The following CD101 variants were observed in gnomAD, a reference collection of about 807,000 sequenced individuals.
CD101 encodes the protein CD101 molecule.
CD101 carries 76 observed loss-of-function variants against 98.2 expected under a neutral mutation model. That is an observed-to-expected ratio of 0.77 (90% CI 0.64 to 0.94). The LOEUF (loss-of-function observed/expected upper bound fraction) is 0.94. Among genes scored for constraint, CD101 ranks in the 40% least tolerant of loss-of-function variants. The pLI, the probability that CD101 is intolerant of heterozygous loss-of-function variation, is 0.00. For missense variants in CD101, 1,145 were observed against 1,218.8 expected (o/e 0.94, Z 0.90); for synonymous variants, 471 against 472.7 (o/e 1.00, Z 0.05).
chr1:117,030,666 G>C (rs988421027), intron 8 of CD101, among the ~76,000 whole-genome samples: 1 of 152,206 alleles, frequency 6.6e-6, no homozygotes, highest in African/African-American at 2.4e-5. Flanking sequence ...GAGCAGGCAC[G>C]TCTTCAGTTG....
intron 4 of CD101, among the ~76,000 whole-genome samples, chr1:117,014,512 A>G (rs1199082397): frequency 6.6e-6 from 1 of 152,182 alleles, no homozygotes; most frequent in Non-Finnish European, 1.5e-5. Context: ...CACGGAACTG[A>G]GGAAGCCACT....
chr1:117,013,438 A>C lies in CD101; in HGVS notation c.874A>C (p.Ser292Arg), dbSNP rs1255763584. ...TTTTCAAGTCAACATTACAGCTGAC[A>C]GCTTGTTTGCTGAAGGGAAACCCTT... ...KDFQVNITADSLFAEGKPLEL... is the reference protein window; with the variant it reads ...KDFQVNITADRLFAEGKPLEL... Residue 292 changes from serine (S) to arginine (R), a missense_variant, in exon 4 of 10, where the codon AGC (serine) becomes CGC (arginine). Ser to Arg is a moderately radical substitution (Grantham distance 110). Coordinates refer to ENST00000682167, the MANE Select transcript of CD101 (RefSeq NM_001256106.3). The C allele has an allele frequency of 6.2e-6, 10 of 1,611,440 alleles. No individual in the cohort carries two copies. The highest frequency in any genetic ancestry group is 8.5e-6 in the Non-Finnish European group (10 of 1,178,278).
chr1:117,021,910 G>A lies in CD101; in HGVS notation c.2355G>A (p.Leu785=), dbSNP rs1439047769. ...KYHCAVEEWL[L]STNGTWHKLG... ...ACTGTGCTGTGGAGGAATGGCTCCTGTCTACAAATGGCACTTGGCACAAGC... is the reference window on the plus strand; with the variant it reads ...ACTGTGCTGTGGAGGAATGGCTCCTATCTACAAATGGCACTTGGCACAAGC... The change falls in exon 7 of 10, where the codon CTG becomes CTA. Residue 785 remains leucine (L), a synonymous_variant. Transcript: ENST00000682167. The surrounding 1 kb of genome is among the most constrained non-coding windows in gnomAD (Gnocchi z 4.7). The A allele has an allele frequency of 6.2e-7, 1 of 1,614,096 alleles. No homozygotes were observed. Among genetic ancestry groups the A allele is most frequent in the Non-Finnish European group, 8.5e-7 (1 of 1,179,998 alleles).
intron 8 of CD101, among the ~76,000 whole-genome samples, chr1:117,028,189 G>A (rs1654090728): frequency 6.6e-6 from 1 of 152,166 alleles, no homozygotes; most frequent in South Asian, 2.1e-4. Flanking sequence ...ACCCAACTGG[G>A]GAAAGATGAA....
chr1:117,029,239 AAGAAAG>A (rs1433559598), intron 8 of CD101, among the ~76,000 whole-genome samples: 1 of 144,576 alleles, frequency 6.9e-6, no homozygotes. Flanking sequence ...GAAAGAAAGA[AAGAAAG>A]AAAGAAAGAA....
intron 1 of CD101, among the ~76,000 whole-genome samples, chr1:117,003,240 C>G (rs1171588796): frequency 6.6e-6 from 1 of 152,200 alleles, no homozygotes; most frequent in East Asian, 1.9e-4. Flanking sequence ...CTAAACCAAG[C>G]TGCATTTGGT....
In CD101 at chr1:117,017,131, G is replaced by C; in HGVS notation, c.1270G>C (p.Val424Leu). The C allele has an allele frequency of 1.2e-6, 2 of 1,614,206 alleles. No homozygotes were observed. The highest frequency in any genetic ancestry group is 1.7e-6 in the Non-Finnish European group (2 of 1,180,016). Residue 424 changes from valine (V) to leucine (L), a missense_variant, in exon 5 of 10, where the codon GTG (valine) becomes CTG (leucine). By Grantham distance (32) the Val-to-Leu change is conservative. Transcript: ENST00000682167. ...GTCTACCAAGAACAAGCAGCAAGTTGTGTGGGAAGGAGAGACACTCGCCTT... is the reference window on the plus strand; with the variant it reads ...GTCTACCAAGAACAAGCAGCAAGTTCTGTGGGAAGGAGAGACACTCGCCTT... ...VMSTKNKQQV[V>L]WEGETLAFLC...
Position 117,011,704 on chromosome 1 carries a change from C to T in CD101, c.579C>T (p.Ser193=), listed in dbSNP as rs1652897741. ...ACCTAACACAGGATGGAGGAGGAAG[C>T]CAAGCCACTGAGATTATTTCTCTCT... ...TWYLTQDGGG[S]QATEIISLSK... The change falls in exon 3 of 10, where the codon AGC becomes AGT. Residue 193 remains serine, a synonymous_variant. Transcript: ENST00000682167. 1 of 1,614,000 alleles carries T rather than the reference C, an allele frequency of 6.2e-7. No homozygotes were observed. The highest frequency in any genetic ancestry group is 1.3e-5 in the African/African-American group (1 of 74,898).
Position 117,019,242 on chromosome 1 carries a change from C to T in CD101, c.2017+682C>T, listed in dbSNP as rs1653428062. On this transcript the variant is annotated intron_variant, in intron 6 of 9. Transcript: ENST00000682167. This position sits in a 1 kb window ranked among gnomAD's most constrained non-coding sequence, Gnocchi z 4.3. ...GATAGCAGAACAGCTTTGGATGAGA[C>T]ACTTAATCTGCTGAAGCCTTAGTTA... 6.6e-6 allele frequency among the ~76,000 whole-genome samples: 1 copy of T among 152,164 alleles called. No individual in the cohort carries two copies. Among genetic ancestry groups the T allele is most frequent in the Non-Finnish European group, 1.5e-5 (1 of 68,028 alleles).
chr1:117,011,752 T>C lies in CD101; in HGVS notation c.627T>C (p.Pro209=), dbSNP rs1342673343. The change falls in exon 3 of 10, where the codon CCT becomes CCC. Residue 209 remains proline, a synonymous_variant. Coordinates refer to ENST00000682167, the MANE Select transcript of CD101 (RefSeq NM_001256106.3). The stretch of plus-strand genomic sequence containing the variant: ...TCTCCAAAGATTTTATATTGGTCCC[T>C]GGGCCCTTGTATACAGAGCGGTTTG... ...ISLSKDFILV[P]GPLYTERFAA... The C allele has an allele frequency of 1.2e-6, 2 of 1,614,164 alleles. No individual in the cohort carries two copies. The highest frequency in any genetic ancestry group is 1.7e-6 in the Non-Finnish European group (2 of 1,180,012).
rs372278211 is a variant in CD101 at position 117,020,234 on chromosome 1, G to A, written c.2018-1339G>A. On this transcript the variant is annotated intron_variant, in intron 6 of 9. Transcript: ENST00000682167. ...TCTATATACCTCTGTCTTACATGAG[G>A]GACATGAGGAACAAAAATTTTACAC... is the stretch of plus-strand genomic sequence containing the variant. Among the ~76,000 whole-genome samples the A allele has an allele frequency of 1.4e-3, 216 of 152,124 alleles. 10 individuals carry two copies. The South Asian group carries it at 0.044, about 31-fold the overall frequency.
At chr1:117,027,023 A>G (rs896232513) in intron 8 of CD101, among the ~76,000 whole-genome samples, 4 of 152,184 alleles carry the variant, frequency 2.6e-5, no homozygotes, top group African/African-American at 9.7e-5. Context: ...TCACAGCTCT[A>G]CTACCAATAC....
chr1:117,025,871 T>A lies in CD101; in HGVS notation c.2791T>A (p.Ser931Thr). 1 of 1,613,436 alleles carries A rather than the reference T, an allele frequency of 6.2e-7. No individual in the cohort carries two copies. The highest frequency in any genetic ancestry group is 1.1e-5 in the South Asian group (1 of 91,068). The change falls in exon 8 of 10, where the codon TCA becomes ACA. Residue 931 changes from serine to threonine, a missense_variant. Coordinates refer to ENST00000682167, the MANE Select transcript of CD101 (RefSeq NM_001256106.3). ...GTGGATTAATCAAGCATCCGATGAG[T>A]CACAGCGGATGGTGCTCACGGTGCT... ...SKWINQASDESQRMVLTVLPS... is the reference protein window; with the variant it reads ...SKWINQASDETQRMVLTVLPS...
intron 8 of CD101, 86 bp downstream of exon 8, chr1:117,025,990 C>G: frequency 7.0e-7 from 1 of 1,418,796 alleles, no homozygotes; most frequent in East Asian, 2.3e-5. Context: ...CTATCTTTTG[C>G]TCCTTCTGAA....
At chr1:117,013,918 G>A (rs1570720997) in intron 4 of CD101, 126 bp downstream of exon 4, 7 of 1,151,370 alleles carry the variant, frequency 6.1e-6, no homozygotes, top group Non-Finnish European at 7.2e-6. Context: ...TCACATTGGA[G>A]GTGGAGTGGA....
chr1:117,021,833 T>A lies in CD101; in HGVS notation c.2278T>A (p.Leu760Ile). ...TCATACTGAGAAGGTTTCCCAAGAC[T>A]TATTTCAGCTGCACATTCTGAATGT... ...KFHTEKVSQD[L>I]FQLHILNVED... The change falls in exon 7 of 10, where the codon TTA becomes ATA. Residue 760 changes from leucine (L) to isoleucine (I), a missense_variant. By Grantham distance (5) the Leu-to-Ile change is conservative. Transcript: ENST00000682167. This position sits in a 1 kb window ranked among gnomAD's most constrained non-coding sequence, Gnocchi z 4.7. 1.2e-6 allele frequency: 2 copies of A among 1,613,714 alleles called. No homozygotes were observed. Among genetic ancestry groups the A allele is most frequent in the Non-Finnish European group, 1.7e-6 (2 of 1,179,988 alleles).
rs568160230 is a variant in CD101 at position 117,028,101 on chromosome 1, A to AT, written c.2824+2198dup. ...ACTCTGTCTCAAAATAAATAAATAA[A>AT]TAAATAAAATAAAATAAAATAAGTG... On this transcript the variant is annotated intron_variant, in intron 8 of 9. Coordinates refer to ENST00000682167, the MANE Select transcript of CD101 (RefSeq NM_001256106.3). 1.1e-4 allele frequency among the ~76,000 whole-genome samples: 9 copies of AT among 84,024 alleles called. No individual in the cohort carries two copies. The South Asian group carries it at 2.4e-3, about 23-fold the overall frequency. 55.1% of individuals were successfully genotyped at this position (84,024 alleles called of 152,430 possible). A position where few individuals can be genotyped will look rare whatever the true frequency, so the allele number is the denominator to read the frequency against.
chr1:117,002,007 A>G, intron 1 of CD101, 147 bp downstream of exon 1: 2 of 734,900 alleles, frequency 2.7e-6, no homozygotes, highest in South Asian at 1.8e-5. Flanking sequence ...CTTACTAATG[A>G]CAGTTCTTGG....
At position 117,017,754 on chromosome 1, in the gene CD101, G is replaced by T. The variant is rs142937260; in HGVS notation, c.1612+281G>T. Among the ~76,000 whole-genome samples, 11 of 152,308 alleles carry T rather than the reference G, an allele frequency of 7.2e-5. No individual in the cohort carries two copies. In the East Asian group the frequency reaches 2.1e-3, roughly 29 times the overall value. On this transcript the variant is annotated intron_variant, in intron 5 of 9. Coordinates refer to ENST00000682167, the MANE Select transcript of CD101 (RefSeq NM_001256106.3). Reference sequence around the variant, plus strand: ...GTATAGCTGAGCCTCTTACCTTCTGGCTTTTGACAGCTGTGGCCCTGGGAT... The same window carrying T: ...GTATAGCTGAGCCTCTTACCTTCTGTCTTTTGACAGCTGTGGCCCTGGGAT...
Sources: gnomAD v4.1 joint callset for allele counts (sites outside exome capture counted in the v4.1 genomes callset) on GRCh38, gnomAD v4.1.1 for gene constraint, Gnocchi (gnomAD v3.1) non-coding constraint, MANE v1.5 for transcripts, NCBI Gene and HGNC (gene_info 2026-07-23, HGNC 2026-07-21) for gene names.